The following KCNN3 variants were observed in gnomAD, a reference collection of about 807,000 sequenced individuals.
KCNN3 encodes the protein potassium calcium-activated channel subfamily N member 3.
KCNN3 carries 16 observed loss-of-function variants against 62.9 expected under a neutral mutation model. That is an observed-to-expected ratio of 0.25 (90% CI 0.17 to 0.39). The LOEUF (loss-of-function observed/expected upper bound fraction) is 0.39, where lower values mean the gene tolerates loss of function less well. Ranked by LOEUF, KCNN3 falls within the 10% of genes least tolerant of loss-of-function variation. The pLI, the probability that KCNN3 is intolerant of heterozygous loss-of-function variation, is 1.00. For synonymous variants in KCNN3, 370 were observed against 389.2 expected (o/e 0.95, Z 0.58); for missense variants, 599 against 949.4 (o/e 0.63, Z 4.85).
intron 3 of KCNN3, among the ~76,000 whole-genome samples, chr1:154,770,419 G>A (rs934406035): frequency 2.6e-5 from 4 of 152,328 alleles, no homozygotes; most frequent in African/African-American, 4.8e-5. Flanking sequence ...CATGTAGGGT[G>A]TGTTGAGGCT....
At chr1:154,737,117 G>A (rs1641770843) in intron 3 of KCNN3, 1 of 672,414 alleles carries the variant, frequency 1.5e-6, no homozygotes, top group Non-Finnish European at 2.7e-6. Context: ...GGGAGAAAAG[G>A]TTTCTAAACC....
At chr1:154,860,604 C>A (rs1208155808) in intron 1 of KCNN3, among the ~76,000 whole-genome samples, 1 of 152,194 alleles carries the variant, frequency 6.6e-6, no homozygotes, top group Non-Finnish European at 1.5e-5. Context: ...ATTCACCCAA[C>A]AAGGTCTATC....
chr1:154,778,051 A>G (rs749283680), intron 2 of KCNN3, among the ~76,000 whole-genome samples: 1 of 152,216 alleles, frequency 6.6e-6, no homozygotes, highest in Non-Finnish European at 1.5e-5. Context: ...TGTCAGTACC[A>G]CAGTCTCTGG....
intron 1 of KCNN3, among the ~76,000 whole-genome samples, chr1:154,826,281 T>C (rs1470605252): frequency 6.6e-6 from 1 of 152,178 alleles, no homozygotes; most frequent in South Asian, 2.1e-4. Flanking sequence ...CCTCCATCCA[T>C]GTGGTCCCTG....
intron 1 of KCNN3, among the ~76,000 whole-genome samples, chr1:154,858,193 C>T (rs554542149): frequency 1.3e-5 from 2 of 152,312 alleles, no homozygotes; most frequent in South Asian, 4.1e-4. Flanking sequence ...CAGAGCTTAA[C>T]ACCAGGTCCA....
chr1:154,838,588 GAAC>G (rs1026765551), intron 1 of KCNN3, among the ~76,000 whole-genome samples: 8 of 152,144 alleles, frequency 5.3e-5, no homozygotes, highest in Admixed American at 2.0e-4. Context: ...GCTGGGCCGG[GAAC>G]AACCTCCCTG....
chr1:154,833,555 A>T (rs1210956751), intron 1 of KCNN3, among the ~76,000 whole-genome samples: 8 of 152,192 alleles, frequency 5.3e-5, no homozygotes, highest in Admixed American at 1.3e-4. Context: ...CTTCTAAGCC[A>T]TCAAGTCTGA....
chr1:154,699,819 TGTA>T lies in KCNN3; in HGVS notation c.*8154_*8156del, dbSNP rs1699815754. ...CTGTACTATGCTAAGCAGAGACTCC[TGTA>T]GCCTTCCAGAGGACCTGCCCTGAGG... On this transcript the variant is annotated 3_prime_UTR_variant, in exon 8 of 8. Transcript: ENST00000271915. 1 of 152,204 alleles carries T rather than the reference TGTA, an allele frequency of 6.6e-6. No homozygotes were observed. Among genetic ancestry groups the T allele is most frequent in the South Asian group, 2.1e-4 (1 of 4,828 alleles). 9.4% of individuals were successfully genotyped at this position (152,204 alleles called of 1,614,324 possible).
chr1:154,830,516 T>C (rs765502788), intron 1 of KCNN3, among the ~76,000 whole-genome samples: 3 of 152,214 alleles, frequency 2.0e-5, no homozygotes, highest in Non-Finnish European at 4.4e-5. Context: ...GCTCAGGGCT[T>C]GGGGTCTTCA....
intron 1 of KCNN3, among the ~76,000 whole-genome samples, chr1:154,826,997 G>A (rs953398309): frequency 1.3e-5 from 2 of 152,136 alleles, no homozygotes; most frequent in Non-Finnish European, 2.9e-5. Flanking sequence ...ACACATATGT[G>A]GTCCATTCAC....
At chr1:154,755,502 AG>A (rs869232729) in intron 3 of KCNN3, among the ~76,000 whole-genome samples, 2 of 88,942 alleles carry the variant, frequency 2.2e-5, no homozygotes, top group East Asian at 6.6e-4. Context: ...GGAGAAAGAA[AG>A]GAAGAAAGAA....
chr1:154,761,624 A>G (rs1648017594), intron 3 of KCNN3, among the ~76,000 whole-genome samples: 1 of 151,618 alleles, frequency 6.6e-6, no homozygotes, highest in African/African-American at 2.4e-5. Context: ...ATATTTTCCT[A>G]CCTTACTGTA....
At chr1:154,726,116 G>C in intron 4 of KCNN3, 90 bp from the exon 5 acceptor site, 1 of 929,808 alleles carries the variant, frequency 1.1e-6, no homozygotes, top group Non-Finnish European at 1.7e-6. Context: ...GGCCACGGGG[G>C]TAATTTCCTG....
intron 2 of KCNN3, among the ~76,000 whole-genome samples, chr1:154,773,747 G>C (rs1226231957): frequency 6.6e-6 from 1 of 152,356 alleles, no homozygotes; most frequent in East Asian, 1.9e-4. Context: ...TCACGATGGT[G>C]AGAAAGATCA....
intron 5 of KCNN3, among the ~76,000 whole-genome samples, chr1:154,723,194 G>T (rs187468291): frequency 6.6e-6 from 1 of 152,340 alleles, no homozygotes; most frequent in Non-Finnish European, 1.5e-5. Context: ...CACACATCCA[G>T]TTTCATTTCA....
intron 5 of KCNN3, among the ~76,000 whole-genome samples, chr1:154,724,112 T>C (rs1700412208): frequency 6.6e-6 from 1 of 152,228 alleles, no homozygotes; most frequent in Non-Finnish European, 1.5e-5. Context: ...CCTTTTAATG[T>C]CTGTTAAGGC....
At position 154,789,132 on chromosome 1, in the gene KCNN3, C is replaced by T. The variant is rs147928848; in HGVS notation, c.1030-16739G>A. ...TTCCCGAAGATCAGGCGGGGGAATCCGTTTCCTTGCTTTTCCAGCTTCCAG... is the reference window on the plus strand; with the variant it reads ...TTCCCGAAGATCAGGCGGGGGAATCTGTTTCCTTGCTTTTCCAGCTTCCAG... On this transcript the variant is annotated intron_variant, in intron 2 of 7. Coordinates refer to ENST00000271915, the MANE Select transcript of KCNN3 (RefSeq NM_002249.6). 3.9e-3 allele frequency among the ~76,000 whole-genome samples: 601 copies of T among 152,268 alleles called. 3 individuals carry two copies. The highest frequency in any genetic ancestry group is 0.013 in the African/African-American group (545 of 41,556).
At chr1:154,820,103 A>T (rs114745343) in intron 2 of KCNN3, among the ~76,000 whole-genome samples, 1,957 of 152,318 alleles carry the variant, frequency 0.013, 33 homozygotes, top group African/African-American at 0.045. Flanking sequence ...GCTGAAACAG[A>T]GATTGGCCAT....
intron 2 of KCNN3, among the ~76,000 whole-genome samples, chr1:154,778,546 A>C (rs1222133613): frequency 2.0e-5 from 3 of 149,748 alleles, no homozygotes; most frequent in Non-Finnish European, 4.4e-5. Context: ...ACTTCTGTAC[A>C]TGTGACTTTG....
Sources: gnomAD v4.1 joint callset for allele counts (sites outside exome capture counted in the v4.1 genomes callset) on GRCh38, gnomAD v4.1.1 for gene constraint, MANE v1.5 for transcripts, NCBI Gene and HGNC (gene_info 2026-07-23, HGNC 2026-07-21) for gene names.